The following DEPTOR variants were observed in gnomAD, a reference collection of about 807,000 sequenced individuals.
The protein encoded by DEPTOR is DEP domain containing MTOR interacting protein, also known as DEP domain-containing mTOR-interacting protein.
A neutral mutation model predicts 41.6 loss-of-function variants in DEPTOR; 41 were observed. The observed-to-expected ratio is 0.98, with a 90% CI of 0.77 to 1.28. The LOEUF is 1.28. Among genes scored for constraint, DEPTOR ranks in the 50% most tolerant of loss-of-function variants. DEPTOR has a pLI of 0.00. For synonymous variants in DEPTOR, 195 were observed against 192.3 expected (o/e 1.01, Z -0.12); for missense variants, 514 against 527.9 (o/e 0.97, Z 0.26).
intron 6 of DEPTOR, 143 bp downstream of exon 6, chr8:120,003,254 G>A (rs1812384077): frequency 1.4e-6 from 2 of 1,385,000 alleles, no homozygotes; most frequent in East Asian, 2.4e-5. Context: ...CGTGTTGAAT[G>A]GAAGGGAAGG....
At chr8:120,015,948 A>T (rs370348212) in intron 8 of DEPTOR, among the ~76,000 whole-genome samples, 17 of 152,120 alleles carry the variant, frequency 1.1e-4, no homozygotes, top group African/African-American at 3.1e-4. Context: ...GTTGCCAGGA[A>T]CATGTGGGGC....
chr8:119,902,494 C>A (rs1014756871), intron 1 of DEPTOR, among the ~76,000 whole-genome samples: 1 of 152,112 alleles, frequency 6.6e-6, no homozygotes, highest in African/African-American at 2.4e-5. Context: ...CATGTGCCAC[C>A]ACACCTGGCT....
intron 8 of DEPTOR, among the ~76,000 whole-genome samples, chr8:120,027,600 G>A (rs1164331979): frequency 1.3e-5 from 2 of 151,868 alleles, no homozygotes; most frequent in Non-Finnish European, 2.9e-5. Flanking sequence ...AGCTACTTGG[G>A]AGGCTGAGGA....
chr8:119,965,096 A>G (rs1456999112), intron 3 of DEPTOR, 136 bp from the exon 4 acceptor site: 1 of 935,404 alleles, frequency 1.1e-6, no homozygotes, highest in Non-Finnish European at 1.6e-6. Flanking sequence ...AAGAAATTAC[A>G]TGTGTGGTGG....
In DEPTOR at chr8:119,948,868, A is replaced by G. The variant is rs554841810; in HGVS notation, c.426-16364A>G. ...AATGGCGTGATCTCAGTTCACTGCA[A>G]CCTCCACCTCCCAGGTTCAAGCAAT... On this transcript the variant is annotated intron_variant, in intron 3 of 8. Coordinates refer to ENST00000286234, the MANE Select transcript of DEPTOR (RefSeq NM_022783.4). Among the ~76,000 whole-genome samples the G allele has an allele frequency of 5.7e-3, 865 of 151,974 alleles. 5 individuals carry two copies. Among genetic ancestry groups the G allele is most frequent in the African/African-American group, 0.02 (820 of 41,438 alleles).
intron 4 of DEPTOR, among the ~76,000 whole-genome samples, chr8:119,997,413 C>T (rs1479889402): frequency 2.0e-5 from 3 of 152,032 alleles, no homozygotes; most frequent in African/African-American, 7.2e-5. Context: ...ATTTTAATTT[C>T]ATTTTATTTT....
intron 5 of DEPTOR, among the ~76,000 whole-genome samples, 167 bp from the exon 6 acceptor site, chr8:120,002,810 A>ATG (rs1812373769): frequency 7.2e-6 from 1 of 138,516 alleles, no homozygotes; most frequent in Non-Finnish European, 1.5e-5. Context: ...ATATATATAT[A>ATG]TAATATAAAG....
chr8:119,911,851 T>C (rs948257307), intron 1 of DEPTOR, among the ~76,000 whole-genome samples: 1 of 152,200 alleles, frequency 6.6e-6, no homozygotes, highest in Non-Finnish European at 1.5e-5. Flanking sequence ...CATTCTGTAC[T>C]ACACTATGGT....
At chr8:119,967,748 C>T (rs1404834790) in intron 4 of DEPTOR, among the ~76,000 whole-genome samples, 5 of 133,484 alleles carry the variant, frequency 3.7e-5, no homozygotes, top group South Asian at 2.5e-4. Context: ...AGCAAGACTT[C>T]GTCCCAAAAA....
intron 3 of DEPTOR, among the ~76,000 whole-genome samples, chr8:119,934,150 G>A (rs1460745445): frequency 6.6e-6 from 1 of 152,170 alleles, no homozygotes; most frequent in African/African-American, 2.4e-5. Context: ...CAAAGTGTTG[G>A]GATTATAGGC....
At chr8:119,955,610 G>C (rs141305768) in intron 3 of DEPTOR, among the ~76,000 whole-genome samples, 5,095 of 152,146 alleles carry the variant, frequency 0.033, 88 homozygotes, top group African/African-American at 0.043. Context: ...GGGATTACAG[G>C]CATGTGCCAC....
At chr8:120,010,434 G>A (rs1417955545) in intron 8 of DEPTOR, among the ~76,000 whole-genome samples, 2 of 151,968 alleles carry the variant, frequency 1.3e-5, no homozygotes, top group Non-Finnish European at 2.9e-5. Flanking sequence ...GACCAACATG[G>A]TGAAACCCGG....
At chr8:119,926,324 G>C (rs1827963573) in intron 1 of DEPTOR, among the ~76,000 whole-genome samples, 1 of 152,120 alleles carries the variant, frequency 6.6e-6, no homozygotes, top group African/African-American at 2.4e-5. Context: ...GCTTTCCCTA[G>C]AAGAGGAAGC....
intron 4 of DEPTOR, among the ~76,000 whole-genome samples, chr8:119,975,418 G>A (rs757213694): frequency 4.6e-5 from 7 of 152,170 alleles, no homozygotes; most frequent in Non-Finnish European, 8.8e-5. Flanking sequence ...TAGGGGTATT[G>A]CAATAGGGGA....
rs778647034 is a variant in DEPTOR, at chr8:120,001,545, G to A, written c.625G>A (p.Val209Met). 5.5e-5 allele frequency: 88 copies of A among 1,609,580 alleles called. No homozygotes were observed. Among genetic ancestry groups the A allele is most frequent in the Non-Finnish European group, 6.9e-5 (81 of 1,177,850 alleles). Residue 209 changes from valine (V) to methionine (M), a missense_variant, in exon 5 of 9, where the codon GTG (valine) becomes ATG (methionine). Coordinates refer to ENST00000286234, the MANE Select transcript of DEPTOR (RefSeq NM_022783.4). ...CCCAGTGTCCAACAAGCACCCATTT[G>A]TGGACAGCAATCTTCTCTACCAGTT... Reference protein sequence around the residue: ...IQHVSNKHPFVDSNLLYQFRM... With the variant: ...IQHVSNKHPFMDSNLLYQFRM...
At chr8:119,967,716 T>C (rs2129976260) in intron 4 of DEPTOR, among the ~76,000 whole-genome samples, 1 of 143,604 alleles carries the variant, frequency 7.0e-6, no homozygotes, top group East Asian at 2.0e-4. Context: ...ATTGTGCCAC[T>C]GCATTCCAAC....
chr8:120,045,025 A>C (rs1364536298), intron 8 of DEPTOR, among the ~76,000 whole-genome samples: 1 of 152,190 alleles, frequency 6.6e-6, no homozygotes, highest in African/African-American at 2.4e-5. Context: ...TTGGTACAAG[A>C]TGTCATGGGC....
chr8:119,923,397 C>T (rs1403115905), intron 1 of DEPTOR, among the ~76,000 whole-genome samples: 2 of 152,018 alleles, frequency 1.3e-5, no homozygotes, highest in African/African-American at 2.4e-5. Flanking sequence ...CTGTGTGCCA[C>T]AACACCCAGC....
Position 119,965,263 on chromosome 8 carries a change from C to T in DEPTOR, c.457C>T (p.Pro153Ser). The change falls in exon 4 of 9, where the codon CCC becomes TCC. Residue 153 changes from proline (P) to serine (S), a missense_variant. Pro to Ser is a moderately conservative substitution (Grantham distance 74). Coordinates refer to ENST00000286234, the MANE Select transcript of DEPTOR (RefSeq NM_022783.4). ...LMSPENTLLQ[P>S]REEEGVKYER... ...GAGCCCTGAAAACACACTCCTGCAGCCCAGGGAGGAGGAAGGGGTCAAGTA... is the reference window on the plus strand; with the variant it reads ...GAGCCCTGAAAACACACTCCTGCAGTCCAGGGAGGAGGAAGGGGTCAAGTA... 4 of 1,614,050 alleles carry T rather than the reference C, an allele frequency of 2.5e-6. No homozygotes were observed. Among genetic ancestry groups the T allele is most frequent in the Non-Finnish European group, 3.4e-6 (4 of 1,180,000 alleles).
Sources: allele counts gnomAD v4.1 joint callset (sites outside exome capture counted in the v4.1 genomes callset), GRCh38; gene constraint gnomAD v4.1.1; transcripts MANE v1.5; gene names NCBI Gene and HGNC (gene_info 2026-07-23, HGNC 2026-07-21).